The following PARVB variants were observed in gnomAD, a reference collection of about 807,000 sequenced individuals.
PARVB encodes the protein parvin beta.
Under a neutral mutation model 47.0 loss-of-function variants are expected in PARVB, and 46 were observed. The observed-to-expected ratio is 0.98, with a 90% CI of 0.77 to 1.25. PARVB has a LOEUF of 1.25. Among genes scored for constraint, PARVB ranks in the 50% most tolerant of loss-of-function variants. The pLI is 0.00. For synonymous variants in PARVB, 196 were observed against 196.3 expected (o/e 1.00, Z 0.01); for missense variants, 473 against 471.6 (o/e 1.00, Z -0.03).
At chr22:44,157,276 C>T (rs987623965) in intron 10 of PARVB, among the ~76,000 whole-genome samples, 5 of 152,134 alleles carry the variant, frequency 3.3e-5, no homozygotes, top group South Asian at 2.1e-4. Flanking sequence ...GGAGCACTCA[C>T]GTGTGCCAGG....
intron 1 of PARVB, among the ~76,000 whole-genome samples, chr22:44,025,739 G>C (rs1445022720): frequency 3.9e-5 from 6 of 151,968 alleles, no homozygotes; most frequent in Non-Finnish European, 8.8e-5. Context: ...CATCCCCACT[G>C]TTCTTCCATG....
chr22:44,136,039 T>C (rs1367900160), intron 6 of PARVB, among the ~76,000 whole-genome samples: 1 of 152,206 alleles, frequency 6.6e-6, no homozygotes, highest in Non-Finnish European at 1.5e-5. Flanking sequence ...ATATGAACTT[T>C]GGGGGACCCT....
At chr22:44,011,524 T>C (rs1199267007) in intron 2 of PARVB, among the ~76,000 whole-genome samples, 1 of 152,010 alleles carries the variant, frequency 6.6e-6, no homozygotes, top group Admixed American at 6.5e-5. Context: ...GGCAAGAACA[T>C]TGTAAGCCTG....
chr22:44,023,286 G>A (rs1363747313), upstream of PARVB, among the ~76,000 whole-genome samples: 7 of 151,694 alleles, frequency 4.6e-5, no homozygotes, highest in Admixed American at 1.3e-4. Flanking sequence ...CGAGGCAGGC[G>A]GATCACCTGA....
At position 44,117,197 on chromosome 22, in the gene PARVB, G is replaced by A. The variant is rs550294910; in HGVS notation, c.274-1841G>A. ...CTTAGGGGGTCCTGGGTTAGGGACG[G>A]CGCTGGAAGTTGCAGGAGGGCAGAA... On this transcript the variant is annotated intron_variant, in intron 3 of 12. Transcript: ENST00000338758. Among the ~76,000 whole-genome samples, 63 of 152,292 alleles carry A rather than the reference G, an allele frequency of 4.1e-4. 1 individual carries two copies. Among genetic ancestry groups the A allele is most frequent in the Admixed American group, 2.3e-3 (35 of 15,308 alleles).
intron 1 of PARVB, among the ~76,000 whole-genome samples, chr22:44,062,676 G>A (rs1458038242): frequency 1.3e-5 from 2 of 151,950 alleles, no homozygotes; most frequent in Non-Finnish European, 2.9e-5. Flanking sequence ...CACTGCATTT[G>A]TGCTCCCTGG....
chr22:44,140,643 G>T (rs1601668661), intron 8 of PARVB: 1 of 515,734 alleles, frequency 1.9e-6, no homozygotes, highest in East Asian at 5.5e-5. Flanking sequence ...CTTGTGGCCT[G>T]CCCCTTCCTC....
chr22:44,078,433 C>T (rs2051824812), intron 1 of PARVB, among the ~76,000 whole-genome samples: 1 of 152,154 alleles, frequency 6.6e-6, no homozygotes, highest in South Asian at 2.1e-4. Flanking sequence ...TTTTCCTGGC[C>T]AGGGTTACCA....
chr22:44,081,734 C>A, intron 1 of PARVB: 1 of 545,604 alleles, frequency 1.8e-6, no homozygotes, highest in Non-Finnish European at 2.3e-6. Flanking sequence ...AGCTTGCTGG[C>A]AAGTGGCTGG....
chr22:44,057,529 G>C (rs2051337936), intron 1 of PARVB, among the ~76,000 whole-genome samples: 2 of 152,014 alleles, frequency 1.3e-5, no homozygotes, highest in South Asian at 4.2e-4. Flanking sequence ...GGCAGGGGTG[G>C]TTTTGGAGCC....
chr22:44,149,567 C>T (rs918422673), intron 9 of PARVB: 7 of 152,386 alleles, frequency 4.6e-5, no homozygotes, highest in Non-Finnish European at 1.0e-4. Flanking sequence ...GGCTCACTCT[C>T]ACCTTGCACT....
At chr22:44,167,713 G>A (rs139094) in intron 12 of PARVB, among the ~76,000 whole-genome samples, 7 of 59,194 alleles carry the variant, frequency 1.2e-4, no homozygotes, top group African/African-American at 2.6e-4. Context: ...CCCCAAGCCC[G>A]CCGAGCCGAG....
At chr22:44,092,160 G>A (rs1321446539) in intron 1 of PARVB, among the ~76,000 whole-genome samples, 3 of 152,148 alleles carry the variant, frequency 2.0e-5, no homozygotes, top group Non-Finnish European at 4.4e-5. Flanking sequence ...CACCAGGCTG[G>A]AGTGCACTGG....
intron 6 of PARVB, among the ~76,000 whole-genome samples, chr22:44,134,321 C>A (rs9625985): frequency 6.6e-6 from 1 of 152,036 alleles, no homozygotes; most frequent in African/African-American, 2.4e-5. Flanking sequence ...CCTATGGCCC[C>A]GTGTCTTGGC....
rs773478093 is a variant in PARVB at position 44,063,343 on chromosome 22, C to T, written c.113-30585C>T. On this transcript the variant is annotated intron_variant, in intron 1 of 12. Transcript: ENST00000338758. ...CCGGGTTCAAGTGATTCTCCTGCCT[C>T]AGCCTCCTGAGTAGCTGGGACTACA... Among the ~76,000 whole-genome samples the T allele has an allele frequency of 7.0e-4, 107 of 151,912 alleles. 1 individual carries two copies. The highest frequency in any genetic ancestry group is 6.5e-4 in the Non-Finnish European group (44 of 68,002).
chr22:44,168,216 C>G (rs1601715329), intron 12 of PARVB: 1 of 181,922 alleles, frequency 5.5e-6, no homozygotes, highest in Non-Finnish European at 1.2e-5. Flanking sequence ...CCCAAGACTT[C>G]CAGGGCCCCA....
intron 6 of PARVB, among the ~76,000 whole-genome samples, chr22:44,133,831 C>A: frequency 6.6e-6 from 1 of 152,264 alleles, no homozygotes; most frequent in East Asian, 1.9e-4. Context: ...GCTGCCATGC[C>A]TGGCCTTATT....
At chr22:44,145,322 C>T (rs1311904042) in intron 8 of PARVB, 1 of 152,262 alleles carries the variant, frequency 6.6e-6, no homozygotes, top group African/African-American at 2.4e-5. Flanking sequence ...TTTTCGTTCC[C>T]AAGGCCAAGC....
At chr22:44,060,226 G>A (rs1326705435) in intron 1 of PARVB, among the ~76,000 whole-genome samples, 2 of 152,102 alleles carry the variant, frequency 1.3e-5, no homozygotes, top group Non-Finnish European at 2.9e-5. Context: ...TGAGGCAGGA[G>A]AATCACTTGA....
Sources: allele counts gnomAD v4.1 joint callset (sites outside exome capture counted in the v4.1 genomes callset), GRCh38; gene constraint gnomAD v4.1.1; transcripts MANE v1.5; gene names NCBI Gene and HGNC (gene_info 2026-07-23, HGNC 2026-07-21).